Variants in OTUD7A observed in about 807,000 individuals in gnomAD.
The protein encoded by OTUD7A is OTU domain-containing protein 7A.
In OTUD7A, 12 loss-of-function variants were observed where a neutral mutation model predicts 65.7. The observed-to-expected ratio is 0.18, with a 90% CI of 0.12 to 0.30. OTUD7A has a LOEUF of 0.30. OTUD7A is among the 10% of genes least tolerant of loss of function. The probability of loss-of-function intolerance (pLI) is 1.00; values close to 1 mark genes in which losing one functional copy is unlikely to be tolerated. For synonymous variants in OTUD7A, 641 were observed against 586.3 expected (o/e 1.09, Z -1.35); for missense variants, 1,148 against 1,304.8 (o/e 0.88, Z 1.85).
At chr15:31,650,032 A>T in intron 3 of OTUD7A, among the ~76,000 whole-genome samples, 1 of 106,898 alleles carries the variant, frequency 9.4e-6, no homozygotes, top group African/African-American at 5.3e-5. Flanking sequence ...GAAATCTCTA[A>T]TTTATCCTTT....
intron 3 of OTUD7A, among the ~76,000 whole-genome samples, chr15:31,642,637 T>C (rs1306471057): frequency 6.6e-6 from 1 of 152,114 alleles, no homozygotes; most frequent in African/African-American, 2.4e-5. Flanking sequence ...TTTCAAATAA[T>C]TTGTGAATTT....
chr15:31,621,758 C>A (rs1890792309), intron 3 of OTUD7A, among the ~76,000 whole-genome samples: 1 of 149,064 alleles, frequency 6.7e-6, no homozygotes, highest in African/African-American at 2.5e-5. Context: ...GCATTTAGCC[C>A]ATTTACATTT....
At chr15:31,494,725 G>A (rs1364870815) in intron 10 of OTUD7A, among the ~76,000 whole-genome samples, 3 of 152,212 alleles carry the variant, frequency 2.0e-5, no homozygotes, top group Non-Finnish European at 2.9e-5. Flanking sequence ...TCTCCTCAGA[G>A]AGCAGAACCA....
At chr15:31,605,475 A>T (rs902890786) in intron 3 of OTUD7A, among the ~76,000 whole-genome samples, 4 of 152,106 alleles carry the variant, frequency 2.6e-5, no homozygotes, top group Non-Finnish European at 4.4e-5. Flanking sequence ...TGGACGGCTG[A>T]TTCTCCTTGG....
rs575460398 is a variant in OTUD7A at position 31,732,921 on chromosome 15, A to T, written c.-99-75844T>A. Among the ~76,000 whole-genome samples the T allele has an allele frequency of 8.5e-5, 13 of 152,302 alleles. No individual in the cohort carries two copies. In the South Asian group the frequency reaches 2.7e-3, roughly 32 times the overall value. The stretch of plus-strand genomic sequence containing the variant: ...CCATGTTTTGCTAGGGTTGCAAAAA[A>T]TCTTACCCAAACCACAATCTTGACG... On this transcript the variant is annotated intron_variant, in intron 1 of 12. Transcript: ENST00000307050.
chr15:31,508,903 G>A (rs1420643541), intron 8 of OTUD7A, among the ~76,000 whole-genome samples: 4 of 152,232 alleles, frequency 2.6e-5, no homozygotes, highest in African/African-American at 7.2e-5. Context: ...CCGCCCCTGC[G>A]CGTTGTGGCC....
intron 1 of OTUD7A, among the ~76,000 whole-genome samples, chr15:31,864,415 G>A (rs750140237): frequency 4.6e-5 from 7 of 152,154 alleles, no homozygotes; most frequent in African/African-American, 1.2e-4. Context: ...AGTTCCACAC[G>A]GCTGGGGAGA....
intron 5 of OTUD7A, among the ~76,000 whole-genome samples, chr15:31,545,882 C>T (rs1053357298): frequency 6.6e-5 from 10 of 152,118 alleles, no homozygotes; most frequent in Non-Finnish European, 1.3e-4. Flanking sequence ...ACAATTGACC[C>T]TCTGTTATCT....
At chr15:31,847,868 G>A (rs1897325638) in intron 1 of OTUD7A, among the ~76,000 whole-genome samples, 1 of 152,158 alleles carries the variant, frequency 6.6e-6, no homozygotes, top group African/African-American at 2.4e-5. Context: ...CATTGGAGCA[G>A]GAGAGAAAGC....
chr15:31,551,050 G>A (rs767363158), intron 5 of OTUD7A, among the ~76,000 whole-genome samples: 56 of 152,284 alleles, frequency 3.7e-4, no homozygotes, highest in Middle Eastern at 3.4e-3. Flanking sequence ...GAGCAGCTGT[G>A]TGGATGGAGG....
At chr15:31,735,078 C>G (rs954937106) in intron 1 of OTUD7A, among the ~76,000 whole-genome samples, 3 of 152,020 alleles carry the variant, frequency 2.0e-5, no homozygotes, top group Admixed American at 6.5e-5. Flanking sequence ...AAAAAGTGGG[C>G]AAAGGACATG....
At chr15:31,651,569 AG>A (rs1891836384) in intron 3 of OTUD7A, among the ~76,000 whole-genome samples, 1 of 138,300 alleles carries the variant, frequency 7.2e-6, no homozygotes, top group Non-Finnish European at 1.5e-5. Flanking sequence ...GAAAATCCCA[AG>A]GAACACACAC....
intron 6 of OTUD7A, among the ~76,000 whole-genome samples, chr15:31,528,558 G>A (rs1440370263): frequency 6.6e-5 from 10 of 152,366 alleles, no homozygotes; most frequent in African/African-American, 1.9e-4. Flanking sequence ...GCAAGGCTTC[G>A]CCTTTTTCTA....
intron 10 of OTUD7A, among the ~76,000 whole-genome samples, chr15:31,500,025 G>A (rs1327261947): frequency 6.6e-6 from 1 of 152,242 alleles, no homozygotes; most frequent in African/African-American, 2.4e-5. Flanking sequence ...TGCGAGGAGG[G>A]GGTCGGGTAT....
intron 5 of OTUD7A, chr15:31,557,855 G>C (rs140473260): frequency 6.6e-6 from 1 of 151,914 alleles, no homozygotes; most frequent in African/African-American, 2.4e-5. Flanking sequence ...TCTTCGCCGA[G>C]CACCGAGAAA....
intron 3 of OTUD7A, among the ~76,000 whole-genome samples, chr15:31,647,446 A>G (rs1477321905): frequency 6.6e-6 from 1 of 152,258 alleles, no homozygotes; most frequent in Non-Finnish European, 1.5e-5. Flanking sequence ...AAAGTTCCAC[A>G]GGAGGGCAAG....
intron 1 of OTUD7A, among the ~76,000 whole-genome samples, chr15:31,723,889 A>G (rs549761490): frequency 1.1e-5 from 1 of 89,528 alleles, no homozygotes; most frequent in African/African-American, 4.5e-5. Context: ...ACGCATCACC[A>G]GTCACTAGCC....
At chr15:31,666,747 G>C (rs1194040979) in intron 1 of OTUD7A, among the ~76,000 whole-genome samples, 1 of 152,016 alleles carries the variant, frequency 6.6e-6, no homozygotes, top group Non-Finnish European at 1.5e-5. Flanking sequence ...TGCCCTTTCA[G>C]TCTTTTTGAT....
At chr15:31,847,848 C>T (rs1003265632) in intron 1 of OTUD7A, among the ~76,000 whole-genome samples, 6 of 152,130 alleles carry the variant, frequency 3.9e-5, no homozygotes, top group South Asian at 2.1e-4. Flanking sequence ...TAAGCAAGCG[C>T]GTCTTACCAC....
Sources: allele counts gnomAD v4.1 joint callset (sites outside exome capture counted in the v4.1 genomes callset), GRCh38; gene constraint gnomAD v4.1.1; transcripts MANE v1.5; gene names NCBI Gene and HGNC (gene_info 2026-07-23, HGNC 2026-07-21).